ABCA13: variants seen among roughly 807,000 people sequenced by gnomAD.
ABCA13 encodes the protein ATP-binding cassette sub-family A member 13.
ABCA13 carries 476 observed loss-of-function variants against 478.7 expected under a neutral mutation model. The ratio of observed to expected loss-of-function variants is 0.99; its 90% CI spans 0.92 to 1.07. The LOEUF (loss-of-function observed/expected upper bound fraction) is 1.07, where lower values mean the gene tolerates loss of function less well. ABCA13 is among the 50% of genes least tolerant of loss of function. The probability of loss-of-function intolerance (pLI) is 0.00; values close to 1 mark genes in which losing one functional copy is unlikely to be tolerated. For missense variants in ABCA13, 6,060 were observed against 5,910.6 expected (o/e 1.03, Z -0.83); for synonymous variants, 2,252 against 2,158.9 (o/e 1.04, Z -1.20).
chr7:48,418,156 G>T (rs1042229268), intron 41 of ABCA13, among the ~76,000 whole-genome samples: 1 of 152,198 alleles, frequency 6.6e-6, no homozygotes, highest in Non-Finnish European at 1.5e-5. Flanking sequence ...TCTGTGTGCA[G>T]ATTTTTGTGT....
chr7:48,374,841 C>G (rs958499338), intron 34 of ABCA13, among the ~76,000 whole-genome samples: 10 of 152,054 alleles, frequency 6.6e-5, no homozygotes, highest in Non-Finnish European at 1.3e-4. Context: ...GAGCAGCAGG[C>G]AAGGGAGAGA....
chr7:48,188,564 C>CA (rs1562731310), intron 1 of ABCA13, among the ~76,000 whole-genome samples: 2 of 150,574 alleles, frequency 1.3e-5, no homozygotes, highest in Admixed American at 6.6e-5. Flanking sequence ...ACTTTTTTTT[C>CA]TTTTTTTTTA....
At chr7:48,458,605 G>A (rs1174706486) in intron 43 of ABCA13, among the ~76,000 whole-genome samples, 1 of 152,192 alleles carries the variant, frequency 6.6e-6, no homozygotes, top group Non-Finnish European at 1.5e-5. Context: ...TTGAGAAAAT[G>A]CAATTATATA....
chr7:48,226,441 G>C (rs1279677191), intron 5 of ABCA13, among the ~76,000 whole-genome samples: 1 of 152,198 alleles, frequency 6.6e-6, no homozygotes, highest in Admixed American at 6.5e-5. Context: ...GTTTGGAGTA[G>C]TTGGACCTCT....
intron 5 of ABCA13, among the ~76,000 whole-genome samples, chr7:48,223,555 T>C (rs1204274904): frequency 6.6e-6 from 1 of 151,988 alleles, no homozygotes; most frequent in Non-Finnish European, 1.5e-5. Context: ...AAGAAGAGGA[T>C]GGAGAAGTGC....
In ABCA13 at chr7:48,580,390, G is replaced by C; in HGVS notation, c.14505+16G>C. On this transcript the variant is annotated intron_variant, in intron 56 of 61. Coordinates refer to ENST00000435803, the MANE Select transcript of ABCA13 (RefSeq NM_152701.5). Reference sequence around the variant, plus strand: ...CATCCCTGAGGTAAATCTCCCTGGGGTCTTCTAGATAAAGGGACCCATTGA... The same window carrying C: ...CATCCCTGAGGTAAATCTCCCTGGGCTCTTCTAGATAAAGGGACCCATTGA... 6.2e-7 allele frequency: 1 copy of C among 1,606,100 alleles called. No individual in the cohort carries two copies. Among genetic ancestry groups the C allele is most frequent in the Non-Finnish European group, 8.5e-7 (1 of 1,176,150 alleles).
chr7:48,342,190 A>G lies in ABCA13; in HGVS notation c.10204+3735A>G, dbSNP rs557835126. On this transcript the variant is annotated intron_variant, in intron 29 of 61. Coordinates refer to ENST00000435803, the MANE Select transcript of ABCA13 (RefSeq NM_152701.5). Reference sequence around the variant, plus strand: ...TTACTTCACAGTGGTAAGATAATGTACTTCGCTAATACGATTTCATTTGCT... The same window carrying G: ...TTACTTCACAGTGGTAAGATAATGTGCTTCGCTAATACGATTTCATTTGCT... Among the ~76,000 whole-genome samples the G allele has an allele frequency of 6.0e-4, 91 of 152,116 alleles. 2 individuals carry two copies. The South Asian group carries it at 0.018, about 31-fold the overall frequency.
At chr7:48,556,165 G>T (rs974892007) in intron 55 of ABCA13, among the ~76,000 whole-genome samples, 1 of 151,794 alleles carries the variant, frequency 6.6e-6, no homozygotes, top group African/African-American at 2.4e-5. Context: ...GGTCAGGGAA[G>T]ATATTTGTTA....
chr7:48,295,904 A>G (rs1799295220), intron 21 of ABCA13, 41 bp downstream of exon 21: 1 of 1,555,198 alleles, frequency 6.4e-7, no homozygotes, highest in Non-Finnish European at 8.7e-7. Flanking sequence ...CAGTACTTCC[A>G]TTCATAGAGA....
intron 3 of ABCA13, among the ~76,000 whole-genome samples, chr7:48,200,296 G>T (rs1368691611): frequency 6.6e-6 from 1 of 152,196 alleles, no homozygotes; most frequent in East Asian, 1.9e-4. Flanking sequence ...GAACCCAGGA[G>T]GGGGAAGTCG....
chr7:48,452,405 G>C (rs1825154379), intron 42 of ABCA13, among the ~76,000 whole-genome samples: 1 of 152,156 alleles, frequency 6.6e-6, no homozygotes, highest in Admixed American at 6.5e-5. Context: ...ACCCCACAGT[G>C]GCTCTGATGA....
chr7:48,281,443 A>G lies in ABCA13; in HGVS notation c.8827A>G (p.Ile2943Val), dbSNP rs1797019965. 6 of 1,595,940 alleles carry G rather than the reference A, an allele frequency of 3.8e-6. No individual in the cohort carries two copies. Among genetic ancestry groups the G allele is most frequent in the African/African-American group, 1.3e-5 (1 of 74,798 alleles). The change falls in exon 19 of 62, where the codon ATC (isoleucine) becomes GTC (valine). Residue 2943 changes from isoleucine (I) to valine (V), a missense_variant. Around this residue, in one of 3 missense-constraint regions of ABCA13, gnomAD observed 4,423 missense variants for 4,309.1 expected, o/e 1.03. Coordinates refer to ENST00000435803, the MANE Select transcript of ABCA13 (RefSeq NM_152701.5). ...VKMMVVRVLT[I>V]VAENPSWTKD... ...GATGATGGTCGTACGTGTGCTCACC[A>G]TCGTTGCAGGTGGGCTGCTCATATA...
intron 29 of ABCA13, among the ~76,000 whole-genome samples, chr7:48,350,425 A>T (rs111700534): frequency 6.6e-6 from 1 of 152,068 alleles, no homozygotes; most frequent in East Asian, 1.9e-4. Context: ...ATGTACATGT[A>T]TCAGTGTTAC....
At position 48,279,528 on chromosome 7, in the gene ABCA13, T is replaced by A. The variant is rs1796746100; in HGVS notation, c.8334T>A (p.Val2778=). 6.2e-7 allele frequency: 1 copy of A among 1,613,342 alleles called. No homozygotes were observed. The highest frequency in any genetic ancestry group is 1.3e-5 in the African/African-American group (1 of 74,890). Residue 2778 remains valine, a synonymous_variant, in exon 18 of 62, where the codon GTT becomes GTA. Coordinates refer to ENST00000435803, the MANE Select transcript of ABCA13 (RefSeq NM_152701.5). The stretch of plus-strand genomic sequence containing the variant: ...ACCTTTTGAAAACCATAGAAACAGT[T>A]TTAGAGGCCTCCAGTGGAATTAAAA... ...PNNLLKTIET[V]LEASSGIKSD... is the part of the protein sequence containing the mutation.
chr7:48,534,615 A>G (rs79160219), intron 55 of ABCA13, among the ~76,000 whole-genome samples: 2,737 of 152,192 alleles, frequency 0.018, 73 homozygotes, highest in African/African-American at 0.062. Flanking sequence ...ACACTTGTAG[A>G]TTTCCCTTCT....
At chr7:48,347,206 T>A (rs1006760198) in intron 29 of ABCA13, among the ~76,000 whole-genome samples, 1 of 152,202 alleles carries the variant, frequency 6.6e-6, no homozygotes, top group East Asian at 1.9e-4. Context: ...ATAAACATGA[T>A]GAAATGTCCA....
intron 35 of ABCA13, among the ~76,000 whole-genome samples, chr7:48,384,555 C>A (rs1438158615): frequency 6.6e-6 from 1 of 152,164 alleles, no homozygotes; most frequent in Non-Finnish European, 1.5e-5. Flanking sequence ...ATTAATACAA[C>A]CAGATACCCT....
At position 48,352,244 on chromosome 7, in the gene ABCA13, C is replaced by T; in HGVS notation, c.10445C>T (p.Pro3482Leu). 3.1e-6 allele frequency: 5 copies of T among 1,613,190 alleles called. No individual in the cohort carries two copies. The highest frequency in any genetic ancestry group is 4.2e-6 in the Non-Finnish European group (5 of 1,179,362). Residue 3482 changes from proline (P) to leucine (L), a missense_variant, in exon 31 of 62, where the codon CCC becomes CTC. By Grantham distance (98) the Pro-to-Leu change is moderately conservative (BLOSUM62 -3). This residue lies in a region of ABCA13 where 4,423 missense variants were observed against 4,309.1 expected (regional missense o/e 1.03). Coordinates refer to ENST00000435803, the MANE Select transcript of ABCA13 (RefSeq NM_152701.5). ...NFRSESVKLP[P>L]HVSYTIRTNV... ...AGATCAGAGTCTGTCAAACTGCCAC[C>T]CCATGTCTCATACACAATCCGGACC...
At chr7:48,213,325 AT>A (rs1225394330) in intron 3 of ABCA13, among the ~76,000 whole-genome samples, 10 of 152,248 alleles carry the variant, frequency 6.6e-5, no homozygotes, top group African/African-American at 2.4e-4. Flanking sequence ...AGTCACATAA[AT>A]TTTTTAGTTT....
Sources: gnomAD v4.1 joint callset for allele counts (sites outside exome capture counted in the v4.1 genomes callset) on GRCh38, gnomAD v4.1.1 for gene constraint, gnomAD v4.1.1 regional missense constraint, MANE v1.5 for transcripts, NCBI Gene and HGNC (gene_info 2026-07-23, HGNC 2026-07-21) for gene names.